The following ITPR3 variants were observed in gnomAD, a reference collection of about 807,000 sequenced individuals.
The protein encoded by ITPR3 is inositol 1,4,5-trisphosphate-gated calcium channel ITPR3.
ITPR3 carries 173 observed loss-of-function variants against 293.2 expected under a neutral mutation model. That is an observed-to-expected ratio of 0.59 (90% CI 0.52 to 0.67). The LOEUF is 0.67. ITPR3 is among the 30% of genes least tolerant of loss of function. The pLI, the probability that ITPR3 is intolerant of heterozygous loss-of-function variation, is 0.00. For missense variants in ITPR3, 2,796 were observed against 3,592.1 expected (o/e 0.78, Z 5.66); for synonymous variants, 1,295 against 1,444.4 (o/e 0.90, Z 2.35).
rs767902539 is a variant in ITPR3, at chr6:33,695,653, C to T, written c.7948-59C>T. On this transcript the variant is annotated intron_variant, in intron 57 of 57. Coordinates refer to ENST00000605930, the MANE Select transcript of ITPR3 (RefSeq NM_002224.4). ...CGGGTGCCAAGCTCTTCCACAGCAC[C>T]CATGGAGGGAAGGTGCCAGGCGGCC... 10 of 1,534,934 alleles carry T rather than the reference C, an allele frequency of 6.5e-6. No homozygotes were observed. The South Asian group carries it at 6.7e-5, about 10-fold the overall frequency.
Position 33,658,940 on chromosome 6 carries a change from T to C in ITPR3, c.529-81T>C, listed in dbSNP as rs2296343. On this transcript the variant is annotated intron_variant, in intron 5 of 57. Transcript: ENST00000605930. The surrounding 1 kb of genome is among the most constrained non-coding windows in gnomAD (Gnocchi z 6.1). ...ATGCCCATTTCTTAGAAGGGCAGAC[T>C]GAGACCAAAGGGAGGCCTGGAGGCG... is the stretch of plus-strand genomic sequence containing the variant. 461,039 of 1,598,006 alleles carry C rather than the reference T, an allele frequency of 0.29. 70,135 individuals are homozygous for C. The highest frequency in any genetic ancestry group is 0.44 in the East Asian group (19,584 of 44,658).
intron 2 of ITPR3, among the ~76,000 whole-genome samples, chr6:33,643,731 CAT>C (rs1225062363): frequency 3.9e-5 from 6 of 152,288 alleles, no homozygotes; most frequent in South Asian, 2.1e-4. Context: ...GCCCCCAAGA[CAT>C]GTGTGTGGGG....
At chr6:33,660,420 G>A (rs1468252692) in intron 7 of ITPR3, among the ~76,000 whole-genome samples, 1 of 151,896 alleles carries the variant, frequency 6.6e-6, no homozygotes, top group Non-Finnish European at 1.5e-5. Context: ...AGACTCTCCT[G>A]CCCTGCTCAG....
intron 1 of ITPR3, among the ~76,000 whole-genome samples, chr6:33,628,348 A>T (rs889464450): frequency 6.6e-6 from 1 of 152,202 alleles, no homozygotes; most frequent in African/African-American, 2.4e-5. Context: ...TAAGTTCATC[A>T]CAGGCCTCTG....
chr6:33,629,917 TCC>T (rs2151278577), intron 1 of ITPR3, among the ~76,000 whole-genome samples: 1 of 151,938 alleles, frequency 6.6e-6, no homozygotes, highest in South Asian at 2.1e-4. Context: ...GTGGTGAAAC[TCC>T]GTCTCTACTA....
intron 6 of ITPR3, 125 bp from the exon 7 acceptor site, chr6:33,659,341 C>A: frequency 2.1e-6 from 2 of 967,410 alleles, no homozygotes; most frequent in Non-Finnish European, 3.2e-6. Flanking sequence ...GGGACCCTGG[C>A]TAGGAGAAGA....
At chr6:33,661,227 A>G (rs920993993) in intron 7 of ITPR3, among the ~76,000 whole-genome samples, 1 of 152,164 alleles carries the variant, frequency 6.6e-6, no homozygotes, top group African/African-American at 2.4e-5. Context: ...GTGTTCACTG[A>G]ATGCTTTGTG....
chr6:33,657,833 GT>G, intron 3 of ITPR3, 98 bp from the exon 4 acceptor site: 1 of 898,902 alleles, frequency 1.1e-6, no homozygotes, highest in Non-Finnish European at 1.8e-6. Context: ...GTGTGTGTGT[GT>G]TTGTGTGCAT....
In ITPR3 at chr6:33,621,568, G is replaced by GC. The variant is rs1281384293; in HGVS notation, c.-29dup. On this transcript the variant is annotated 5_prime_UTR_variant, in exon 1 of 58. Transcript: ENST00000605930. The surrounding 1 kb of genome is among the most constrained non-coding windows in gnomAD (Gnocchi z 7.7). Reference sequence around the variant, plus strand: ...TGAGCTTGGCCACGCGCCCCTAGGCGCCCCCCACGCCCTGGGCCCCGGAGG... The same window carrying GC: ...TGAGCTTGGCCACGCGCCCCTAGGCGCCCCCCCACGCCCTGGGCCCCGGAGG... The GC allele has an allele frequency of 8.5e-6, 13 of 1,524,132 alleles. No homozygotes were observed. Among genetic ancestry groups the GC allele is most frequent in the East Asian group, 2.4e-5 (1 of 42,000 alleles). The allele number at this position is 1,524,132 out of a possible 1,614,324, so 94.4% of individuals were successfully genotyped here.
In ITPR3 at chr6:33,655,953, G is replaced by A. The variant is rs964401502; in HGVS notation, c.282+66G>A. On this transcript the variant is annotated intron_variant, in intron 3 of 57. Coordinates refer to ENST00000605930, the MANE Select transcript of ITPR3 (RefSeq NM_002224.4). The surrounding 1 kb of genome is among the most constrained non-coding windows in gnomAD (Gnocchi z 4.9). The stretch of plus-strand genomic sequence containing the variant: ...CAGGAACCTGGGTACACAAGCAGCG[G>A]TGCTGCTTGTCGGAGCCAGTAGGGG... 1.0e-5 allele frequency: 16 copies of A among 1,593,132 alleles called. No individual in the cohort carries two copies. Among genetic ancestry groups the A allele is most frequent in the African/African-American group, 1.3e-5 (1 of 74,462 alleles).
At chr6:33,637,634 AT>A (rs879322116) in intron 1 of ITPR3, among the ~76,000 whole-genome samples, 498 of 132,728 alleles carry the variant, frequency 3.8e-3, no homozygotes, top group African/African-American at 7.0e-3. Context: ...ACACCCAGCG[AT>A]TTTTTTTTTT....
At chr6:33,689,969 G>C in intron 50 of ITPR3, 65 bp from the exon 51 acceptor site, 1 of 1,583,322 alleles carries the variant, frequency 6.3e-7, no homozygotes. Context: ...GGCACTGGGG[G>C]ACATGCGTGC....
Position 33,686,453 on chromosome 6 carries a change from C to A in ITPR3, c.5913C>A (p.Thr1971=), listed in dbSNP as rs376357642. The A allele has an allele frequency of 2.5e-6, 4 of 1,614,242 alleles. No individual in the cohort carries two copies. The highest frequency in any genetic ancestry group is 2.7e-5 in the African/African-American group (2 of 75,064). Residue 1971 remains threonine, a synonymous_variant, in exon 43 of 58, where the codon ACC becomes ACA. Coordinates refer to ENST00000605930, the MANE Select transcript of ITPR3 (RefSeq NM_002224.4). ...THESNGIDII[T]ALILNDISPL... Reference sequence around the variant, plus strand: ...AGTCCAATGGCATAGACATCATCACCGCACTGATCCTCAATGACATCAGCC... The same window carrying A: ...AGTCCAATGGCATAGACATCATCACAGCACTGATCCTCAATGACATCAGCC...
chr6:33,684,227 G>T lies in ITPR3; in HGVS notation c.4937+59G>T. ...GGTGCAGCGGCAGGGGACAGAGAAGGGCCCGGTGGGGACTAGACAGGCTCA... is the reference window on the plus strand; with the variant it reads ...GGTGCAGCGGCAGGGGACAGAGAAGTGCCCGGTGGGGACTAGACAGGCTCA... On this transcript the variant is annotated intron_variant, in intron 36 of 57. Coordinates refer to ENST00000605930, the MANE Select transcript of ITPR3 (RefSeq NM_002224.4). The surrounding 1 kb of genome is among the most constrained non-coding windows in gnomAD (Gnocchi z 4.2). 1 of 1,600,858 alleles carries T rather than the reference G, an allele frequency of 6.2e-7. No individual in the cohort carries two copies. Among genetic ancestry groups the T allele is most frequent in the East Asian group, 2.2e-5 (1 of 44,736 alleles).
intron 28 of ITPR3, 45 bp from the exon 29 acceptor site, chr6:33,678,376 C>G: frequency 6.2e-7 from 1 of 1,602,104 alleles, no homozygotes; most frequent in Non-Finnish European, 8.5e-7. Context: ...GCCTCGCCTC[C>G]CTCCTTGGTG....
rs1376797090 is a variant in ITPR3, at chr6:33,655,628, C to T, written c.161-138C>T. 15 of 1,144,034 alleles carry T rather than the reference C, an allele frequency of 1.3e-5. No homozygotes were observed. The highest frequency in any genetic ancestry group is 1.7e-5 in the Non-Finnish European group (14 of 811,062). The allele number at this position is 1,144,034 out of a possible 1,614,324, so 70.9% of individuals were successfully genotyped here. ...CCAAATTCTGTGAGGTTCTTCCAAC[C>T]GCTTCCTCTCTACCTGCAGCGGGGA... is the stretch of plus-strand genomic sequence containing the variant. On this transcript the variant is annotated intron_variant, in intron 2 of 57. Coordinates refer to ENST00000605930, the MANE Select transcript of ITPR3 (RefSeq NM_002224.4). This position sits in a 1 kb window ranked among gnomAD's most constrained non-coding sequence, Gnocchi z 4.9.
chr6:33,694,983 C>T lies in ITPR3; in HGVS notation c.7845C>T (p.Gly2615=), dbSNP rs141751520. 462 of 1,614,096 alleles carry T rather than the reference C, an allele frequency of 2.9e-4. 3 individuals carry two copies. Among genetic ancestry groups the T allele is most frequent in the Middle Eastern group, 2.8e-3 (17 of 6,060 alleles). The change falls in exon 57 of 58, where the codon GGC becomes GGT. Residue 2615 remains glycine (G), a synonymous_variant. Transcript: ENST00000605930. ...MRAMSLVSNE[G]EGEQNEIRIL... The stretch of plus-strand genomic sequence containing the variant: ...CCATGTCCCTTGTCAGCAATGAGGG[C>T]GAGGGGGAGCAGAATGAGATTCGGA...
At position 33,675,678 on chromosome 6, in the gene ITPR3, C is replaced by A; in HGVS notation, c.3117-13C>A. ...CAGTCTCACCCATGCGCCCTGCACC[C>A]TTGTGCCCGCAGGAAGACAAGCAGC... On this transcript the variant is annotated splice_polypyrimidine_tract_variant and intron_variant, in intron 24 of 57. Transcript: ENST00000605930. The surrounding 1 kb of genome is among the most constrained non-coding windows in gnomAD (Gnocchi z 5.0). 6.3e-7 allele frequency: 1 copy of A among 1,587,994 alleles called. No individual in the cohort carries two copies. The highest frequency in any genetic ancestry group is 1.2e-5 in the South Asian group (1 of 86,242).
chr6:33,656,516 T>C (rs1186700139), intron 3 of ITPR3, among the ~76,000 whole-genome samples: 2 of 144,214 alleles, frequency 1.4e-5, no homozygotes, highest in East Asian at 2.1e-4. Flanking sequence ...GGTCTGTCCA[T>C]GGTCTGACCA....
Sources: gnomAD v4.1 joint callset for allele counts (sites outside exome capture counted in the v4.1 genomes callset) on GRCh38, gnomAD v4.1.1 for gene constraint, Gnocchi (gnomAD v3.1) non-coding constraint, MANE v1.5 for transcripts, NCBI Gene and HGNC (gene_info 2026-07-23, HGNC 2026-07-21) for gene names.